BEND6: variants seen among roughly 807,000 people sequenced by gnomAD.
BEND6 encodes BEN domain containing 6.
Under a neutral mutation model 31.8 loss-of-function variants are expected in BEND6, and 24 were observed. That is an observed-to-expected ratio of 0.75 (90% CI 0.55 to 1.06). BEND6 has a LOEUF of 1.06. Ranked by LOEUF, BEND6 falls within the 50% of genes least tolerant of loss-of-function variation. The pLI, the probability that BEND6 is intolerant of heterozygous loss-of-function variation, is 0.00. For missense variants in BEND6, 294 were observed against 327.4 expected (o/e 0.90, Z 0.79); for synonymous variants, 109 against 114.6 (o/e 0.95, Z 0.31).
intron 2 of BEND6, among the ~76,000 whole-genome samples, chr6:56,991,660 C>T (rs1826506290): frequency 6.6e-6 from 1 of 152,046 alleles, no homozygotes; most frequent in Non-Finnish European, 1.5e-5. Context: ...CGCAGCCAGC[C>T]ACTTTCTGGA....
chr6:56,991,326 C>T (rs940478669), intron 2 of BEND6, among the ~76,000 whole-genome samples: 10 of 151,450 alleles, frequency 6.6e-5, no homozygotes, highest in African/African-American at 2.4e-4. Flanking sequence ...GGATTGAAAA[C>T]TGTCAAGAGA....
intron 3 of BEND6, among the ~76,000 whole-genome samples, chr6:56,996,224 A>T (rs1256699007): frequency 6.6e-6 from 1 of 152,128 alleles, no homozygotes; most frequent in African/African-American, 2.4e-5. Context: ...AAGCGGGTGG[A>T]TCACTTGAGA....
In BEND6 at chr6:57,015,221, ATCCACCC is replaced by A; in HGVS notation, c.390_396del (p.Thr131GlyfsTer29). ...GTGGGGGAACCATGTCTACATCTGC[ATCCACCC>A]TCTGGAGAGCAACAAACAACTCCTC... On this transcript the variant is annotated frameshift_variant, in exon 4 of 7. Transcript: ENST00000370746. LOFTEE classifies it high-confidence loss of function. The A allele has an allele frequency of 6.2e-7, 1 of 1,614,172 alleles. No individual in the cohort carries two copies. The highest frequency in any genetic ancestry group is 1.1e-5 in the South Asian group (1 of 91,090).
At chr6:57,004,975 A>G (rs1456126857) in intron 3 of BEND6, among the ~76,000 whole-genome samples, 1 of 152,252 alleles carries the variant, frequency 6.6e-6, no homozygotes, top group Non-Finnish European at 1.5e-5. Context: ...CTGAATATGA[A>G]AAGAATTAAG....
In BEND6 at chr6:57,014,382, C is replaced by T. The variant is rs1384849922; in HGVS notation, c.299-751C>T. On this transcript the variant is annotated intron_variant, in intron 3 of 6. Transcript: ENST00000370746. ...TTTTCACCTCTCCAGCAGGCTGTGC[C>T]CTCAACCATATAGTGAGGAACTGAA... 6.1e-6 allele frequency: 5 copies of T among 816,078 alleles called. No individual in the cohort carries two copies. The Admixed American group carries it at 1.6e-4, about 26-fold the overall frequency. 50.6% of individuals were successfully genotyped at this position (816,078 alleles called of 1,614,324 possible).
At chr6:57,016,654 G>C (rs1827570308) in intron 4 of BEND6, among the ~76,000 whole-genome samples, 1 of 152,168 alleles carries the variant, frequency 6.6e-6, no homozygotes, top group Non-Finnish European at 1.5e-5. Context: ...TCACACTTCA[G>C]ATCTTCCCTC....
intron 1 of BEND6, among the ~76,000 whole-genome samples, chr6:56,979,592 C>T (rs1234206025): frequency 6.6e-6 from 1 of 152,196 alleles, no homozygotes; most frequent in Non-Finnish European, 1.5e-5. Context: ...ATAGGAAACA[C>T]TAACTCTGAA....
chr6:57,008,296 T>G (rs1827231241), intron 3 of BEND6: 1 of 699,542 alleles, frequency 1.4e-6, no homozygotes, highest in Non-Finnish European at 2.6e-6. Context: ...ACTGTCTCTA[T>G]TATTTTGGCT....
intron 3 of BEND6, among the ~76,000 whole-genome samples, chr6:56,994,580 G>A (rs1188432344): frequency 6.6e-6 from 1 of 151,080 alleles, no homozygotes; most frequent in African/African-American, 2.4e-5. Flanking sequence ...CCCCCACTAA[G>A]GTTTCCTCAT....
chr6:56,981,642 G>A (rs1281200785), intron 1 of BEND6, 69 bp from the exon 2 acceptor site: 1 of 613,346 alleles, frequency 1.6e-6, no homozygotes, highest in African/African-American at 1.9e-5. Context: ...TTATCTGAGT[G>A]GCTAGTACCA....
chr6:57,006,387 A>G (rs1002791026), intron 3 of BEND6, among the ~76,000 whole-genome samples: 3 of 152,226 alleles, frequency 2.0e-5, no homozygotes, highest in Non-Finnish European at 4.4e-5. Flanking sequence ...AATTCTTTAG[A>G]TGTTTTGAAC....
intron 1 of BEND6, among the ~76,000 whole-genome samples, chr6:56,965,625 G>A (rs1239780823): frequency 6.7e-6 from 1 of 149,782 alleles, no homozygotes; most frequent in Non-Finnish European, 1.5e-5. Flanking sequence ...TAGCGCCGCT[G>A]CACTCCAGTC....
chr6:56,995,555 TC>T (rs1219718426), intron 3 of BEND6, among the ~76,000 whole-genome samples: 2 of 152,122 alleles, frequency 1.3e-5, no homozygotes, highest in African/African-American at 2.4e-5. Flanking sequence ...AGGGCCATAC[TC>T]CCCCTGCAGG....
chr6:56,975,848 T>TATAG, intron 1 of BEND6: 1 of 530,284 alleles, frequency 1.9e-6, no homozygotes, highest in Non-Finnish European at 3.8e-6. Flanking sequence ...TACTGACCTC[T>TATAG]AATGCCTATG....
At chr6:57,006,859 G>T (rs2127881462) in intron 3 of BEND6, among the ~76,000 whole-genome samples, 1 of 152,270 alleles carries the variant, frequency 6.6e-6, no homozygotes, top group South Asian at 2.1e-4. Flanking sequence ...AAAGCTGCAT[G>T]GTATTGGCTT....
At chr6:56,996,557 T>C (rs547672559) in intron 3 of BEND6, among the ~76,000 whole-genome samples, 19 of 152,302 alleles carry the variant, frequency 1.2e-4, no homozygotes, top group African/African-American at 4.1e-4. Context: ...TCTAACTGCA[T>C]GCTTAACATG....
chr6:57,015,586 G>A (rs967733237), intron 4 of BEND6, among the ~76,000 whole-genome samples: 2 of 151,100 alleles, frequency 1.3e-5, no homozygotes, highest in African/African-American at 4.9e-5. Flanking sequence ...AGATCATGAG[G>A]TCAGATCGAG....
At chr6:56,969,067 C>G (rs1385535919) in intron 1 of BEND6, among the ~76,000 whole-genome samples, 2 of 148,026 alleles carry the variant, frequency 1.4e-5, no homozygotes, top group Non-Finnish European at 3.0e-5. Context: ...GAGTCAGACT[C>G]TGTCTCAAAA....
At chr6:56,986,468 CAAAAT>C (rs1182413629) in intron 2 of BEND6, among the ~76,000 whole-genome samples, 3 of 151,704 alleles carry the variant, frequency 2.0e-5, no homozygotes, top group African/African-American at 2.4e-5. Flanking sequence ...AATAAATAAA[CAAAAT>C]AAAATAAAGG....
Sources: gnomAD v4.1 joint callset for allele counts (sites outside exome capture counted in the v4.1 genomes callset) on GRCh38, gnomAD v4.1.1 for gene constraint, MANE v1.5 for transcripts, NCBI Gene and HGNC (gene_info 2026-07-23, HGNC 2026-07-21) for gene names.